The following RPS6KC1 variants were observed in gnomAD, a reference collection of about 807,000 sequenced individuals.
RPS6KC1 encodes ribosomal protein S6 kinase C1.
In RPS6KC1, 54 loss-of-function variants were observed where a neutral mutation model predicts 103.8. The observed-to-expected ratio is 0.52, with a 90% CI of 0.42 to 0.65. The LOEUF is 0.65. RPS6KC1 is among the 30% of genes least tolerant of loss of function. RPS6KC1 has a pLI of 0.00. For synonymous variants in RPS6KC1, 439 were observed against 438.7 expected, an observed-to-expected ratio of 1.00 and a Z score of -0.01; for missense variants, 1,151 against 1,253.8, an observed-to-expected ratio of 0.92 and a Z score of 1.24.
At chr1:213,287,232 ATGTGTG>A in the RPS6KC1 span, among the ~76,000 whole-genome samples, 11,861 of 146,712 alleles carry the variant, frequency 0.081, 871 homozygotes, top group African/African-American at 0.19. Flanking sequence ...TGCCTATACA[ATGTGTG>A]TGTGTGTGTG....
At chr1:213,651,525 T>C in the RPS6KC1 span, among the ~76,000 whole-genome samples, 37 of 152,358 alleles carry the variant, frequency 2.4e-4, no homozygotes, top group Non-Finnish European at 3.7e-4. Flanking sequence ...CATGGGTCTA[T>C]TCTGATGGCT....
the RPS6KC1 span, among the ~76,000 whole-genome samples, chr1:213,504,491 C>T: frequency 6.6e-6 from 1 of 152,306 alleles, no homozygotes; most frequent in South Asian, 2.1e-4. Flanking sequence ...ACTTTTGGCT[C>T]ATACCCAGTG....
chr1:213,094,203 C>T (rs923559458), intron 3 of RPS6KC1, among the ~76,000 whole-genome samples: 6 of 151,086 alleles, frequency 4.0e-5, no homozygotes, highest in African/African-American at 1.5e-4. Context: ...GTATGTGTTT[C>T]TCATTTTTTC....
chr1:213,522,929 A>G, the RPS6KC1 span, among the ~76,000 whole-genome samples: 1 of 152,206 alleles, frequency 6.6e-6, no homozygotes, highest in African/African-American at 2.4e-5. Flanking sequence ...ATTTCCTTCA[A>G]GAGTTATTCT....
At chr1:213,528,447 G>GA in the RPS6KC1 span, among the ~76,000 whole-genome samples, 119,274 of 151,910 alleles carry the variant, frequency 0.79, 47,978 homozygotes, top group East Asian at 0.98. Flanking sequence ...TACAATTCAA[G>GA]TGAGATTTGG....
chr1:213,267,188 C>T (rs2094931525), intron 14 of RPS6KC1, among the ~76,000 whole-genome samples: 4 of 151,746 alleles, frequency 2.6e-5, no homozygotes, highest in Admixed American at 2.6e-4. Flanking sequence ...TGGCAGAGAA[C>T]AGAAGCTTGA....
At chr1:213,651,802 C>T in the RPS6KC1 span, among the ~76,000 whole-genome samples, 1 of 151,832 alleles carries the variant, frequency 6.6e-6, no homozygotes, top group Non-Finnish European at 1.5e-5. Context: ...TAAGGTTCAA[C>T]TCTTGTAAGC....
the RPS6KC1 span, among the ~76,000 whole-genome samples, chr1:213,693,963 C>G: frequency 1.3e-5 from 2 of 152,210 alleles, no homozygotes; most frequent in Non-Finnish European, 2.9e-5. Flanking sequence ...CTCACCCTGG[C>G]CCTCGGTTCA....
chr1:213,251,592 A>G (rs775004885), intron 12 of RPS6KC1, among the ~76,000 whole-genome samples: 43 of 152,114 alleles, frequency 2.8e-4, no homozygotes, highest in Middle Eastern at 6.8e-3. Flanking sequence ...TCACCCTCTA[A>G]TCTTTGTTTC....
the RPS6KC1 span, among the ~76,000 whole-genome samples, chr1:213,836,245 A>G: frequency 6.6e-6 from 1 of 151,976 alleles, no homozygotes; most frequent in Non-Finnish European, 1.5e-5. Context: ...TTGGATGACC[A>G]GATTCAACTC....
At chr1:213,360,670 T>C in the RPS6KC1 span, among the ~76,000 whole-genome samples, 2 of 152,214 alleles carry the variant, frequency 1.3e-5, no homozygotes, top group African/African-American at 4.8e-5. Context: ...TGTTCTGTTT[T>C]TTCCCCATCT....
At chr1:213,709,014 T>G in the RPS6KC1 span, among the ~76,000 whole-genome samples, 1 of 152,184 alleles carries the variant, frequency 6.6e-6, no homozygotes, top group Non-Finnish European at 1.5e-5. Context: ...GAAATTTTCT[T>G]TTTTTGTTGT....
the RPS6KC1 span, among the ~76,000 whole-genome samples, chr1:213,738,927 G>GTT: frequency 2.3e-4 from 33 of 143,198 alleles, no homozygotes; most frequent in Non-Finnish European, 3.7e-4. Flanking sequence ...TCTAAGGAAG[G>GTT]TTTTTTTTTT....
the RPS6KC1 span, among the ~76,000 whole-genome samples, chr1:213,559,560 A>G: frequency 1.3e-5 from 2 of 152,328 alleles, no homozygotes; most frequent in African/African-American, 4.8e-5. Context: ...TAAATGATAC[A>G]TGCCTCACCT....
chr1:213,219,471 A>G (rs1163818297), intron 8 of RPS6KC1, among the ~76,000 whole-genome samples: 2 of 152,228 alleles, frequency 1.3e-5, no homozygotes, highest in African/African-American at 4.8e-5. Context: ...GGGATCTAGA[A>G]CTAGAAATAC....
At chr1:213,214,165 G>A (rs1320859831) in intron 8 of RPS6KC1, among the ~76,000 whole-genome samples, 2 of 152,222 alleles carry the variant, frequency 1.3e-5, no homozygotes, top group South Asian at 2.1e-4. Flanking sequence ...GGAAAATTGG[G>A]TCATTCCCAC....
the RPS6KC1 span, among the ~76,000 whole-genome samples, chr1:213,638,657 T>C: frequency 6.6e-6 from 1 of 152,124 alleles, no homozygotes; most frequent in Non-Finnish European, 1.5e-5. Flanking sequence ...TGTCACATAT[T>C]AGATGGGTAA....
the RPS6KC1 span, among the ~76,000 whole-genome samples, chr1:213,658,623 C>T: frequency 3.3e-5 from 5 of 152,078 alleles, no homozygotes; most frequent in South Asian, 4.1e-4. Flanking sequence ...AGTGCACAGG[C>T]GGATAAAATG....
At chr1:213,175,356 C>T in intron 7 of RPS6KC1, among the ~76,000 whole-genome samples, 1 of 152,156 alleles carries the variant, frequency 6.6e-6, no homozygotes, top group Admixed American at 6.6e-5. Context: ...ATTCCCTTAC[C>T]ATGGTGTTTG....
Sources: allele counts gnomAD v4.1 joint callset (sites outside exome capture counted in the v4.1 genomes callset), GRCh38; gene constraint gnomAD v4.1.1; transcripts MANE v1.5; gene names NCBI Gene and HGNC (gene_info 2026-07-23, HGNC 2026-07-21).